The following AIFM2 variants were observed in gnomAD, a reference collection of about 807,000 sequenced individuals.
AIFM2 encodes ferroptosis suppressor protein 1.
Under a neutral mutation model 35.7 loss-of-function variants are expected in AIFM2, and 38 were observed. That is an observed-to-expected ratio of 1.06 (90% CI 0.82 to 1.39). The LOEUF (loss-of-function observed/expected upper bound fraction) is 1.39, where lower values mean the gene tolerates loss of function less well. AIFM2 is among the 40% of genes most tolerant of loss of function. The pLI is 0.00. For missense variants in AIFM2, 476 were observed against 491.2 expected (o/e 0.97, Z 0.29); for synonymous variants, 185 against 203.5 (o/e 0.91, Z 0.77).
At chr10:70,121,278 G>A (rs2136658898) in intron 3 of AIFM2, 67 bp from the exon 4 acceptor site, 4 of 1,438,374 alleles carry the variant, frequency 2.8e-6, no homozygotes, top group Admixed American at 2.8e-5. Context: ...GGGCAGGGCA[G>A]GCCTAGGCCT....
chr10:70,124,087 C>A lies in AIFM2; in HGVS notation c.-3G>T. The A allele has an allele frequency of 6.6e-7, 1 of 1,505,336 alleles. No homozygotes were observed. The highest frequency in any genetic ancestry group is 2.5e-5 in the East Asian group (1 of 40,612). The allele number at this position is 1,505,336 out of a possible 1,614,324, so 93.2% of individuals were successfully genotyped here. A position where few individuals can be genotyped will look rare whatever the true frequency, so the allele number is the denominator to read the frequency against. On this transcript the variant is annotated 5_prime_UTR_variant, in exon 2 of 9. Transcript: ENST00000307864. ...TCCACCGAGACCTGGGACCCCATCTCAAATCAGGCACTGCTGGGAAGAAAG... is the reference window on the plus strand; with the variant it reads ...TCCACCGAGACCTGGGACCCCATCTAAAATCAGGCACTGCTGGGAAGAAAG...
chr10:70,127,112 T>C (rs1241685607), intron 1 of AIFM2, among the ~76,000 whole-genome samples: 1 of 152,184 alleles, frequency 6.6e-6, no homozygotes, highest in African/African-American at 2.4e-5. Context: ...GCGCAGGGCC[T>C]GAGAATGTAG....
Position 70,112,726 on chromosome 10 carries a change from CTTCTGCTATGCA to C in AIFM2, c.*1440_*1451del, listed in dbSNP as rs1279351426. ...TTTCTTCAGATGAACTCATCAACCA[CTTCTGCTATGCA>C]GATTTAACCCAGGCAGTCCAAGAGG... On this transcript the variant is annotated 3_prime_UTR_variant, in exon 9 of 9. Transcript: ENST00000307864. The C allele has an allele frequency of 6.6e-6, 1 of 152,342 alleles. No individual in the cohort carries two copies. The highest frequency in any genetic ancestry group is 1.5e-5 in the Non-Finnish European group (1 of 68,108). The allele number at this position is 152,342 out of a possible 1,614,324, so 9.4% of individuals were successfully genotyped here.
chr10:70,122,981 C>T (rs1335006173), intron 3 of AIFM2, among the ~76,000 whole-genome samples: 1 of 152,164 alleles, frequency 6.6e-6, no homozygotes, highest in Admixed American at 6.5e-5. Flanking sequence ...CCGCTATCTG[C>T]CCAGCACCAG....
intron 3 of AIFM2, 81 bp downstream of exon 3, chr10:70,123,324 C>T: frequency 3.2e-6 from 4 of 1,258,534 alleles, no homozygotes; most frequent in South Asian, 2.6e-5. Flanking sequence ...CAGCCTAGCT[C>T]TCTCTTGACC....
intron 1 of AIFM2, among the ~76,000 whole-genome samples, chr10:70,130,622 T>C (rs1001644252): frequency 3.6e-4 from 55 of 152,316 alleles, no homozygotes; most frequent in African/African-American, 1.3e-3. Flanking sequence ...ATAACGCCAC[T>C]ATGAACATTT....
chr10:70,124,912 CA>C (rs1477594385), intron 1 of AIFM2, among the ~76,000 whole-genome samples: 1 of 152,122 alleles, frequency 6.6e-6, no homozygotes. Context: ...ATATGTCTCC[CA>C]AAAAGGAACA....
chr10:70,121,567 T>C (rs2072506706), intron 3 of AIFM2, among the ~76,000 whole-genome samples: 1 of 151,756 alleles, frequency 6.6e-6, no homozygotes, highest in African/African-American at 2.4e-5. Flanking sequence ...GCTCAGAACC[T>C]CCCGGGTGTT....
chr10:70,118,912 G>A (rs2072467332), intron 5 of AIFM2, among the ~76,000 whole-genome samples: 1 of 152,164 alleles, frequency 6.6e-6, no homozygotes, highest in South Asian at 2.1e-4. Context: ...AGCTACTCCT[G>A]ATGGGCTCCT....
chr10:70,116,856 G>C, intron 6 of AIFM2, 82 bp from the exon 7 acceptor site: 1 of 1,566,538 alleles, frequency 6.4e-7, no homozygotes, highest in Non-Finnish European at 8.7e-7. Flanking sequence ...CTAACCCTGG[G>C]GAGGGCCTGG....
At chr10:70,130,014 T>A (rs1164896523) in intron 1 of AIFM2, among the ~76,000 whole-genome samples, 1 of 152,016 alleles carries the variant, frequency 6.6e-6, no homozygotes, top group Non-Finnish European at 1.5e-5. Context: ...TGAAACCCCA[T>A]CTCTACAAAA....
intron 3 of AIFM2, among the ~76,000 whole-genome samples, chr10:70,121,474 T>C (rs1170261364): frequency 6.6e-6 from 1 of 152,024 alleles, no homozygotes; most frequent in Non-Finnish European, 1.5e-5. Flanking sequence ...TGGGGGCAAC[T>C]GGAGCCACCC....
chr10:70,123,306 A>T, intron 3 of AIFM2, 99 bp downstream of exon 3: 1 of 1,053,176 alleles, frequency 9.5e-7, no homozygotes, highest in Non-Finnish European at 1.4e-6. Flanking sequence ...GGTGTGAGCC[A>T]CCGCCCCCAG....
intron 3 of AIFM2, among the ~76,000 whole-genome samples, chr10:70,122,491 A>G (rs2072520059): frequency 6.6e-6 from 1 of 152,212 alleles, no homozygotes; most frequent in Non-Finnish European, 1.5e-5. Context: ...ACTCATCCAG[A>G]GCTGGTGGCA....
rs1206996242 is a variant in AIFM2 at position 70,114,846 on chromosome 10, A to G, written c.970+74T>C. The G allele has an allele frequency of 3.3e-6, 5 of 1,501,404 alleles. No homozygotes were observed. In the East Asian group the frequency reaches 7.1e-5, roughly 21 times the overall value. The allele number at this position is 1,501,404 out of a possible 1,614,324, so 93.0% of individuals were successfully genotyped here. ...GTTTGTTCTAGTGGCCAGGTATGGG[A>G]TAGCCCAAAAAGGCTTCCCCATGTT... On this transcript the variant is annotated intron_variant, in intron 8 of 8. Transcript: ENST00000307864.
intron 1 of AIFM2, among the ~76,000 whole-genome samples, chr10:70,124,925 T>C (rs541830023): frequency 6.6e-5 from 10 of 152,102 alleles, no homozygotes; most frequent in Non-Finnish European, 1.0e-4. Flanking sequence ...AAAGGAACAG[T>C]GTTAAGAGGT....
chr10:70,120,570 C>G lies in AIFM2; in HGVS notation c.444G>C (p.Val148=). 1 of 1,614,158 alleles carries G rather than the reference C, an allele frequency of 6.2e-7. No individual in the cohort carries two copies. Residue 148 remains valine, a synonymous_variant, in exon 5 of 9, where the codon GTG becomes GTC. Coordinates refer to ENST00000307864, the MANE Select transcript of AIFM2 (RefSeq NM_032797.6). The part of the protein sequence containing the change: ...QVQRSRFIVV[V]GGGSAGVEMA... ...TCTCCACTCCAGCCGAGCCTCCTCC[C>G]ACCACCACGATGAACCGTGAGCGCT...
intron 8 of AIFM2, 91 bp downstream of exon 8, chr10:70,114,829 T>C (rs2072417142): frequency 2.1e-6 from 3 of 1,416,150 alleles, no homozygotes; most frequent in East Asian, 2.5e-5. Context: ...GAGTTTGTTC[T>C]AGTGGCCAGG....
Position 70,117,596 on chromosome 10 carries a change from C to A in AIFM2, c.616+216G>T, listed in dbSNP as rs1395020517. 2.6e-5 allele frequency among the ~76,000 whole-genome samples: 4 copies of A among 152,232 alleles called. No homozygotes were observed. Among genetic ancestry groups the A allele is most frequent in the Non-Finnish European group, 5.9e-5 (4 of 68,046 alleles). On this transcript the variant is annotated intron_variant, in intron 6 of 8. Transcript: ENST00000307864. The surrounding 1 kb of genome is among the most constrained non-coding windows in gnomAD (Gnocchi z 4.7). ...TAAGTACCAGGCCCTCTTCCCTGCC[C>A]AGGGACGGGCACAACTTCCAGCTGG... is the stretch of plus-strand genomic sequence containing the variant.
Sources: allele counts gnomAD v4.1 joint callset (sites outside exome capture counted in the v4.1 genomes callset), GRCh38; gene constraint gnomAD v4.1.1; non-coding constraint Gnocchi (gnomAD v3.1); transcripts MANE v1.5; gene names NCBI Gene and HGNC (gene_info 2026-07-23, HGNC 2026-07-21).